Variants in AGPAT3 observed in about 807,000 individuals in gnomAD.
AGPAT3 encodes the protein 1-acylglycerol-3-phosphate O-acyltransferase 3.
Under a neutral mutation model 47.3 loss-of-function variants are expected in AGPAT3, and 5 were observed. The observed-to-expected ratio is 0.11, with a 90% CI of 0.06 to 0.22. The LOEUF (loss-of-function observed/expected upper bound fraction) is 0.22, where lower values mean the gene tolerates loss of function less well. AGPAT3 is among the 10% of genes least tolerant of loss of function. The pLI is 1.00. For synonymous variants in AGPAT3, 212 were observed against 208.3 expected (o/e 1.02, Z -0.15); for missense variants, 315 against 493.0 (o/e 0.64, Z 3.42).
Position 43,899,625 on chromosome 21 carries a change from G to A in AGPAT3, c.-111-4332G>A, listed in dbSNP as rs73906666. On this transcript the variant is annotated intron_variant, in intron 1 of 9. Transcript: ENST00000291572. ...GCTTGGGCTGGCCGCGGTGAGCAGC[G>A]GCAGCGCTGTGGTTCTGGCTCTTGC... Among the ~76,000 whole-genome samples, 600 of 152,322 alleles carry A rather than the reference G, an allele frequency of 3.9e-3. 4 individuals carry two copies. The highest frequency in any genetic ancestry group is 0.014 in the African/African-American group (576 of 41,574).
At chr21:43,873,305 C>T (rs575199044) in intron 1 of AGPAT3, among the ~76,000 whole-genome samples, 34 of 152,320 alleles carry the variant, frequency 2.2e-4, no homozygotes, top group African/African-American at 7.9e-4. Flanking sequence ...AACATGTGTG[C>T]GCCTCCGGAG....
chr21:43,887,957 T>C (rs2086017896), intron 1 of AGPAT3, among the ~76,000 whole-genome samples: 1 of 152,270 alleles, frequency 6.6e-6, no homozygotes, highest in Non-Finnish European at 1.5e-5. Context: ...CCGGCCCATA[T>C]ACACGTTCTT....
In AGPAT3 at chr21:43,958,612, AGTGT is replaced by A. The variant is rs538027911; in HGVS notation, c.-48-1017_-48-1014del. ...TGTGTGTGGCATATGTGTGGTTTGT[AGTGT>A]GTGTATGTGGCGTGTATGTGGTTTG... On this transcript the variant is annotated intron_variant, in intron 2 of 9. Coordinates refer to ENST00000291572, the MANE Select transcript of AGPAT3 (RefSeq NM_020132.5). Among the ~76,000 whole-genome samples the A allele has an allele frequency of 5.0e-3, 577 of 116,076 alleles. 4 individuals are homozygous for A. The highest frequency in any genetic ancestry group is 0.019 in the African/African-American group (558 of 29,158). The allele number at this position is 116,076 out of a possible 152,430, so 76.2% of individuals were successfully genotyped here. A position where few individuals can be genotyped will look rare whatever the true frequency, so the allele number is the denominator to read the frequency against.
chr21:43,865,549 C>A (rs966800129), intron 1 of AGPAT3, among the ~76,000 whole-genome samples: 2 of 148,978 alleles, frequency 1.3e-5, no homozygotes, highest in African/African-American at 4.9e-5. Flanking sequence ...GGGAGGAGGT[C>A]TGGGCCCGGG....
intron 1 of AGPAT3, among the ~76,000 whole-genome samples, chr21:43,893,233 C>T (rs1288789559): frequency 6.6e-6 from 1 of 152,200 alleles, no homozygotes; most frequent in Non-Finnish European, 1.5e-5. Context: ...GATGTGGCTT[C>T]TTTTCTTAAA....
Position 43,933,854 on chromosome 21 carries a change from A to G in AGPAT3, c.-48-25780A>G, listed in dbSNP as rs868149166. ...CGCCTGCCACGAGCCTCACGTGGAG[A>G]GTGGACAGTGGCATGGAAACGCCAG... is the stretch of plus-strand genomic sequence containing the variant. On this transcript the variant is annotated intron_variant, in intron 2 of 9. Coordinates refer to ENST00000291572, the MANE Select transcript of AGPAT3 (RefSeq NM_020132.5). The surrounding 1 kb of genome is among the most constrained non-coding windows in gnomAD (Gnocchi z 6.0). 9.9e-5 allele frequency among the ~76,000 whole-genome samples: 15 copies of G among 152,032 alleles called. No individual in the cohort carries two copies. Among genetic ancestry groups the G allele is most frequent in the African/African-American group, 3.6e-4 (15 of 41,390 alleles).
rs73906660 is a variant in AGPAT3, at chr21:43,871,319, G to T, written c.-112+5974G>T. Among the ~76,000 whole-genome samples, 640 of 152,314 alleles carry T rather than the reference G, an allele frequency of 4.2e-3. 4 individuals carry two copies. The highest frequency in any genetic ancestry group is 0.015 in the African/African-American group (616 of 41,564). On this transcript the variant is annotated intron_variant, in intron 1 of 9. Transcript: ENST00000291572. The stretch of plus-strand genomic sequence containing the variant: ...CAGCGTTCTCTGATGATGCTTAGAG[G>T]AAAGGAGAAGATGGTACTAAGAGAA...
At chr21:43,921,791 T>G (rs1304852499) in intron 2 of AGPAT3, among the ~76,000 whole-genome samples, 1 of 151,998 alleles carries the variant, frequency 6.6e-6, no homozygotes, top group Non-Finnish European at 1.5e-5. Context: ...TTCTCTGAGC[T>G]CTTTTTTTTT....
intron 2 of AGPAT3, among the ~76,000 whole-genome samples, chr21:43,953,024 C>T (rs901777537): frequency 1.7e-4 from 26 of 152,200 alleles, no homozygotes; most frequent in African/African-American, 6.0e-4. Context: ...TTATGGGCCT[C>T]CAGTGGGATG....
chr21:43,872,333 A>G (rs2085640446), intron 1 of AGPAT3, among the ~76,000 whole-genome samples: 2 of 152,086 alleles, frequency 1.3e-5, no homozygotes, highest in South Asian at 4.2e-4. Context: ...GGCATACGCC[A>G]CCATGCCTAG....
chr21:43,866,137 T>TA lies in AGPAT3; in HGVS notation c.-112+794dup, dbSNP rs3042103. Among the ~76,000 whole-genome samples, 312 of 150,126 alleles carry TA rather than the reference T, an allele frequency of 2.1e-3. 2 individuals are homozygous for TA. Among genetic ancestry groups the TA allele is most frequent in the Non-Finnish European group, 3.5e-3 (236 of 67,550 alleles). ...GGTGCAGTGTTTTTTTTTTTTTTTTTAACTTTGAGAGAAGTTTAGTGACAT... is the reference window on the plus strand; with the variant it reads ...GGTGCAGTGTTTTTTTTTTTTTTTTTAAACTTTGAGAGAAGTTTAGTGACAT... On this transcript the variant is annotated intron_variant, in intron 1 of 9. Coordinates refer to ENST00000291572, the MANE Select transcript of AGPAT3 (RefSeq NM_020132.5).
chr21:43,955,868 C>T lies in AGPAT3; in HGVS notation c.-48-3766C>T, dbSNP rs1219767198. Among the ~76,000 whole-genome samples, 1 of 149,778 alleles carries T rather than the reference C, an allele frequency of 6.7e-6. No homozygotes were observed. Among genetic ancestry groups the T allele is most frequent in the Non-Finnish European group, 1.5e-5 (1 of 67,730 alleles). ...TGAGCCAAGATGGCACCACAGCACT[C>T]TAACCTGGGCAACAGTGAGATAATC... On this transcript the variant is annotated intron_variant, in intron 2 of 9. Transcript: ENST00000291572. The surrounding 1 kb of genome is among the most constrained non-coding windows in gnomAD (Gnocchi z 4.1).
Position 43,928,494 on chromosome 21 carries a change from C to T in AGPAT3, c.-49+24475C>T, listed in dbSNP as rs140120138. ...GCACTCTGGAGGGTTCAGTGCCTCC[C>T]GCCTGGGGACAGAGGCCTCTGCTTC... On this transcript the variant is annotated intron_variant, in intron 2 of 9. Coordinates refer to ENST00000291572, the MANE Select transcript of AGPAT3 (RefSeq NM_020132.5). Among the ~76,000 whole-genome samples, 342 of 152,154 alleles carry T rather than the reference C, an allele frequency of 2.2e-3. 1 individual carries two copies. The highest frequency in any genetic ancestry group is 7.8e-3 in the African/African-American group (324 of 41,486).
At chr21:43,938,925 C>T (rs28515690) in intron 2 of AGPAT3, among the ~76,000 whole-genome samples, 30,050 of 152,078 alleles carry the variant, frequency 0.2, 3,229 homozygotes, top group Non-Finnish European at 0.24. Context: ...GGGAAGGCTG[C>T]GGCTGCCCCA....
chr21:43,873,825 T>A (rs1481009633), intron 1 of AGPAT3, among the ~76,000 whole-genome samples: 1 of 152,228 alleles, frequency 6.6e-6, no homozygotes, highest in African/African-American at 2.4e-5. Context: ...ATCTTTTTTA[T>A]TAGTGTTCAC....
rs1416218631 is a variant in AGPAT3, at chr21:43,897,539, CAT to C, written c.-111-6417_-111-6416del. The stretch of plus-strand genomic sequence containing the variant: ...GGCGGCCGGGCAGAGGCGCTCCTCA[CAT>C]CCCAGAGGGGGCGGCCGGGCAGAGG... On this transcript the variant is annotated intron_variant, in intron 1 of 9. Coordinates refer to ENST00000291572, the MANE Select transcript of AGPAT3 (RefSeq NM_020132.5). Among the ~76,000 whole-genome samples the C allele has an allele frequency of 3.3e-4, 50 of 151,580 alleles. 4 individuals carry two copies. The highest frequency in any genetic ancestry group is 8.0e-4 in the African/African-American group (33 of 41,264).
intron 7 of AGPAT3, among the ~76,000 whole-genome samples, chr21:43,973,444 G>A (rs954122587): frequency 6.6e-5 from 10 of 152,340 alleles, no homozygotes; most frequent in African/African-American, 1.9e-4. Context: ...TCCTTGGGTG[G>A]TTAGTGGTGG....
chr21:43,961,027 C>G (rs189725366), intron 3 of AGPAT3, among the ~76,000 whole-genome samples: 1 of 152,082 alleles, frequency 6.6e-6, no homozygotes, highest in East Asian at 1.9e-4. Flanking sequence ...GTAATCCCAG[C>G]TACTCGGGAG....
rs2089387431 is a variant in AGPAT3 at position 43,971,378 on chromosome 21, C to T, written c.665-10C>T. 1.2e-6 allele frequency: 2 copies of T among 1,613,420 alleles called. No homozygotes were observed. Among genetic ancestry groups the T allele is most frequent in the Admixed American group, 1.7e-5 (1 of 59,990 alleles). ...GGCTGGGTCATTCACCCTCCCGTCT[C>T]CTCCCACAGTCGCAGCTGTCTATGA... On this transcript the variant is annotated splice_polypyrimidine_tract_variant and intron_variant, in intron 6 of 9. Transcript: ENST00000291572.
Sources: allele counts gnomAD v4.1 joint callset (sites outside exome capture counted in the v4.1 genomes callset), GRCh38; gene constraint gnomAD v4.1.1; non-coding constraint Gnocchi (gnomAD v3.1); transcripts MANE v1.5; gene names NCBI Gene and HGNC (gene_info 2026-07-23, HGNC 2026-07-21).